Variants in HOOK3 observed in about 807,000 individuals in gnomAD.
The protein encoded by HOOK3 is hook microtubule tethering protein 3.
A neutral mutation model predicts 116.3 loss-of-function variants in HOOK3; 24 were observed. The observed-to-expected ratio is 0.21, with a 90% CI of 0.15 to 0.29. HOOK3 has a LOEUF of 0.29. Ranked by LOEUF, HOOK3 falls within the 10% of genes least tolerant of loss-of-function variation. HOOK3 has a pLI of 1.00. For missense variants in HOOK3, 632 were observed against 830.2 expected (o/e 0.76, Z 2.93); for synonymous variants, 275 against 283.0 (o/e 0.97, Z 0.28).
At chr8:42,932,457 C>CA (rs1474031034) in intron 4 of HOOK3, among the ~76,000 whole-genome samples, 1 of 152,184 alleles carries the variant, frequency 6.6e-6, no homozygotes, top group Non-Finnish European at 1.5e-5. Flanking sequence ...AGGTCTCACT[C>CA]AGTGGAAGCC....
intron 5 of HOOK3, among the ~76,000 whole-genome samples, chr8:42,945,349 G>A (rs1343349516): frequency 6.6e-6 from 1 of 151,880 alleles, no homozygotes; most frequent in African/African-American, 2.4e-5. Flanking sequence ...TTGCTCTGTT[G>A]CCCAGGCTGG....
intron 4 of HOOK3, among the ~76,000 whole-genome samples, chr8:42,938,284 A>G (rs1451794466): frequency 7.1e-6 from 1 of 141,780 alleles, no homozygotes; most frequent in African/African-American, 2.7e-5. Context: ...TTGAGCCTAT[A>G]TGTGTCTTTG....
chr8:42,911,502 G>T (rs1202675115), intron 2 of HOOK3, among the ~76,000 whole-genome samples: 5 of 152,192 alleles, frequency 3.3e-5, no homozygotes, highest in African/African-American at 1.2e-4. Flanking sequence ...GGCTTTGGCG[G>T]TGGGTGGGGG....
At chr8:42,909,199 T>G (rs553418546) in intron 2 of HOOK3, among the ~76,000 whole-genome samples, 34 of 152,294 alleles carry the variant, frequency 2.2e-4, no homozygotes, top group Non-Finnish European at 1.6e-4. Context: ...TTGTACACTG[T>G]TTTTGGGAAT....
At chr8:42,991,810 C>T (rs1809166527) in intron 15 of HOOK3, among the ~76,000 whole-genome samples, 1 of 152,030 alleles carries the variant, frequency 6.6e-6, no homozygotes, top group African/African-American at 2.4e-5. Flanking sequence ...GCAGGTCTCA[C>T]ACCCCTGGGC....
At position 42,956,270 on chromosome 8, in the gene HOOK3, A is replaced by G. The variant is rs186183697; in HGVS notation, c.469-824A>G. Among the ~76,000 whole-genome samples, 113 of 128,942 alleles carry G rather than the reference A, an allele frequency of 8.8e-4. 3 individuals are homozygous for G. The highest frequency in any genetic ancestry group is 6.1e-3 in the Admixed American group (81 of 13,334). 84.6% of individuals were successfully genotyped at this position (128,942 alleles called of 152,430 possible). ...TGTGTGTGTGTGTGTGTGTGTTATC[A>G]TTAAACATTAGCCAGTAATTTTCGC... On this transcript the variant is annotated intron_variant, in intron 6 of 21. Transcript: ENST00000307602.
chr8:42,990,233 G>A (rs1475541108), intron 15 of HOOK3, among the ~76,000 whole-genome samples: 3 of 148,836 alleles, frequency 2.0e-5, no homozygotes, highest in Non-Finnish European at 4.5e-5. Flanking sequence ...TGGACTCAAG[G>A]GATCCTCCCA....
At chr8:42,925,260 G>T (rs572260600) in intron 2 of HOOK3, among the ~76,000 whole-genome samples, 470 of 151,920 alleles carry the variant, frequency 3.1e-3, no homozygotes, top group Non-Finnish European at 4.9e-3. Context: ...ACCACACCCG[G>T]CTAATTTTTG....
chr8:42,923,805 G>A (rs796427549), intron 2 of HOOK3, among the ~76,000 whole-genome samples: 5 of 152,250 alleles, frequency 3.3e-5, no homozygotes, highest in African/African-American at 1.2e-4. Flanking sequence ...AAATTGTGTC[G>A]TGAGTTATTT....
At chr8:42,991,590 CAG>C (rs1231982292) in intron 15 of HOOK3, among the ~76,000 whole-genome samples, 3 of 151,924 alleles carry the variant, frequency 2.0e-5, no homozygotes, top group Admixed American at 6.6e-5. Flanking sequence ...TTAGTAGAGA[CAG>C]GGTTTTGCCC....
At position 43,013,057 on chromosome 8, in the gene HOOK3, C is replaced by G; in HGVS notation, c.1846C>G (p.Arg616Gly). The change falls in exon 20 of 22, where the codon CGT (arginine) becomes GGT (glycine). Residue 616 changes from arginine to glycine, a missense_variant. Transcript: ENST00000307602. ...CTTTTATTATTTTTTGCAGGTCATC[C>G]GTACTTTAGATCCTAAACAGAATCA... ...KYLEKAKSVI[R>G]TLDPKQNQGA... 6.3e-7 allele frequency: 1 copy of G among 1,598,938 alleles called. No homozygotes were observed. Among genetic ancestry groups the G allele is most frequent in the Non-Finnish European group, 8.5e-7 (1 of 1,173,794 alleles).
intron 4 of HOOK3, among the ~76,000 whole-genome samples, chr8:42,941,246 T>G (rs1808114556): frequency 6.8e-6 from 1 of 148,132 alleles, no homozygotes; most frequent in South Asian, 2.2e-4. Context: ...CTGGGCGCAG[T>G]GGCTCACACC....
chr8:42,921,646 C>T (rs576871418), intron 2 of HOOK3, among the ~76,000 whole-genome samples: 1 of 152,124 alleles, frequency 6.6e-6, no homozygotes, highest in African/African-American at 2.4e-5. Flanking sequence ...CTTTTGGCTA[C>T]CTATAATTGG....
rs572310979 is a variant in HOOK3 at position 42,973,498 on chromosome 8, T to A, written c.1233+99T>A. The stretch of plus-strand genomic sequence containing the variant: ...GCCACATTCATTTAAGTTATGAATT[T>A]AAAAATTAGAAATCCTATTTATTTT... On this transcript the variant is annotated intron_variant, in intron 12 of 21. Coordinates refer to ENST00000307602, the MANE Select transcript of HOOK3 (RefSeq NM_032410.4). The A allele has an allele frequency of 1.4e-3, 996 of 732,078 alleles. 1 individual carries two copies. The highest frequency in any genetic ancestry group is 1.9e-3 in the Non-Finnish European group (913 of 481,276). 45.3% of individuals were successfully genotyped at this position (732,078 alleles called of 1,614,324 possible).
At chr8:42,907,921 A>C (rs1807345654) in intron 2 of HOOK3, among the ~76,000 whole-genome samples, 1 of 151,858 alleles carries the variant, frequency 6.6e-6, no homozygotes, top group Non-Finnish European at 1.5e-5. Flanking sequence ...ACAAAAAGCC[A>C]CAAAGACTCC....
At chr8:42,939,407 A>G (rs1274149075) in intron 4 of HOOK3, among the ~76,000 whole-genome samples, 2 of 128,240 alleles carry the variant, frequency 1.6e-5, no homozygotes, top group Non-Finnish European at 3.2e-5. Flanking sequence ...TGACCCCCCT[A>G]CCTCCCTCCC....
At position 43,005,663 on chromosome 8, in the gene HOOK3, ATTTATT is replaced by A. The variant is rs750912415; in HGVS notation, c.1656-2172_1656-2167del. 8.6e-4 allele frequency among the ~76,000 whole-genome samples: 130 copies of A among 151,962 alleles called. 1 individual carries two copies. Among genetic ancestry groups the A allele is most frequent in the Non-Finnish European group, 1.4e-3 (97 of 67,948 alleles). On this transcript the variant is annotated intron_variant, in intron 17 of 21. Transcript: ENST00000307602. ...CTACTAAGTTTTGGGGATGATTTGT[ATTTATT>A]TTTATTTTTATGTTTTTAAACTATA...
chr8:42,923,512 G>GCTTCATGTAT (rs1807704223), intron 2 of HOOK3, among the ~76,000 whole-genome samples: 1 of 152,190 alleles, frequency 6.6e-6, no homozygotes, highest in South Asian at 2.1e-4. Context: ...GATACATGCT[G>GCTTCATGTAT]CAGTATGGAT....
chr8:42,993,427 G>A (rs994178415), intron 15 of HOOK3, among the ~76,000 whole-genome samples: 9 of 152,156 alleles, frequency 5.9e-5, no homozygotes, highest in African/African-American at 1.7e-4. Context: ...GATTACAGGC[G>A]TGAGCCACTA....
Sources: allele counts gnomAD v4.1 joint callset (sites outside exome capture counted in the v4.1 genomes callset), GRCh38; gene constraint gnomAD v4.1.1; transcripts MANE v1.5; gene names NCBI Gene and HGNC (gene_info 2026-07-23, HGNC 2026-07-21).